Variants in CSMD3 observed in about 807,000 individuals in gnomAD.
CSMD3 encodes CUB and sushi domain-containing protein 3.
In CSMD3, 177 loss-of-function variants were observed where a neutral mutation model predicts 435.2. The observed-to-expected ratio is 0.41, with a 90% CI of 0.36 to 0.46. CSMD3 has a LOEUF of 0.46. CSMD3 is among the 20% of genes least tolerant of loss of function. The pLI, the probability that CSMD3 is intolerant of heterozygous loss-of-function variation, is 0.34. For missense variants in CSMD3, 4,265 were observed against 4,504.6 expected (o/e 0.95, Z 1.52); for synonymous variants, 1,656 against 1,520.5 (o/e 1.09, Z -2.07).
intron 27 of CSMD3, chr8:112,539,157 A>C (rs936328542): frequency 6.5e-6 from 1 of 153,444 alleles, no homozygotes; most frequent in Non-Finnish European, 1.5e-5. Context: ...TTAGAGTACT[A>C]AGTATTGTTG....
intron 44 of CSMD3, among the ~76,000 whole-genome samples, chr8:112,336,353 T>C: frequency 6.6e-6 from 1 of 152,214 alleles, no homozygotes; most frequent in East Asian, 1.9e-4. Flanking sequence ...TTCCATACCT[T>C]AAACTTAAGT....
intron 59 of CSMD3, among the ~76,000 whole-genome samples, chr8:112,271,457 T>C (rs1172936607): frequency 6.6e-6 from 1 of 152,124 alleles, no homozygotes; most frequent in Non-Finnish European, 1.5e-5. Flanking sequence ...GTATGTCATA[T>C]ACATTTGACC....
At chr8:113,357,045 G>GA (rs903672721) in intron 1 of CSMD3, among the ~76,000 whole-genome samples, 4 of 151,726 alleles carry the variant, frequency 2.6e-5, no homozygotes, top group Admixed American at 2.6e-4. Context: ...TCCCAGAAAT[G>GA]AAAAAAATAT....
At chr8:112,677,437 G>GA (rs749134082) in intron 16 of CSMD3, among the ~76,000 whole-genome samples, 15 of 149,496 alleles carry the variant, frequency 1.0e-4, no homozygotes, top group Non-Finnish European at 1.8e-4. Context: ...AAAAATCAAA[G>GA]TAAAAATCTC....
At chr8:112,590,286 T>C (rs533943636) in intron 22 of CSMD3, among the ~76,000 whole-genome samples, 3 of 152,150 alleles carry the variant, frequency 2.0e-5, no homozygotes, top group South Asian at 4.1e-4. Flanking sequence ...TGAAAGCATA[T>C]AACTGAGAGC....
intron 9 of CSMD3, among the ~76,000 whole-genome samples, chr8:112,931,037 T>A (rs1372620141): frequency 1.3e-5 from 2 of 152,032 alleles, no homozygotes; most frequent in East Asian, 3.9e-4. Flanking sequence ...CTGAGAAAAA[T>A]TTTGAGTAGA....
Position 112,591,628 on chromosome 8 carries a change from T to C in CSMD3, c.3716-4393A>G, listed in dbSNP as rs539886375. ...GCAGGCAAAATATACTTGATTTAGA[T>C]TGTTCAAAAAACTTAGAATGTTTTT... On this transcript the variant is annotated intron_variant, in intron 22 of 70. Transcript: ENST00000297405. Among the ~76,000 whole-genome samples, 197 of 152,260 alleles carry C rather than the reference T, an allele frequency of 1.3e-3. 1 individual carries two copies. The highest frequency in any genetic ancestry group is 4.4e-3 in the Admixed American group (68 of 15,298).
chr8:112,630,714 C>T (rs992613584), intron 22 of CSMD3, among the ~76,000 whole-genome samples: 1 of 152,022 alleles, frequency 6.6e-6, no homozygotes, highest in African/African-American at 2.4e-5. Flanking sequence ...AATACAATTT[C>T]TAGCTTGGAT....
chr8:113,337,544 A>G (rs1318651474), intron 1 of CSMD3, among the ~76,000 whole-genome samples: 6 of 152,158 alleles, frequency 3.9e-5, no homozygotes, highest in Non-Finnish European at 8.8e-5. Context: ...AGAAAAATAC[A>G]TAGAAGTAAA....
chr8:113,394,159 T>C (rs1353570533), intron 1 of CSMD3, among the ~76,000 whole-genome samples: 1 of 137,158 alleles, frequency 7.3e-6, no homozygotes, highest in African/African-American at 2.6e-5. Flanking sequence ...TTTGTTGAAT[T>C]ACACACACAC....
At chr8:112,552,319 C>A (rs746011670) in intron 26 of CSMD3, among the ~76,000 whole-genome samples, 14 of 151,762 alleles carry the variant, frequency 9.2e-5, no homozygotes, top group Non-Finnish European at 1.9e-4. Flanking sequence ...GACCTCGTTT[C>A]TACAAAATAT....
rs774440130 is a variant in CSMD3 at position 112,287,116 on chromosome 8, T to A, written c.9279A>T (p.Glu3093Asp). The change falls in exon 58 of 71, where the codon GAA (glutamate) becomes GAT (aspartate). Residue 3093 changes from glutamate (E) to aspartate (D), a missense_variant. Physicochemically the swap from Glu to Asp is conservative, Grantham distance 45. Around this residue, in one of 3 missense-constraint regions of CSMD3, gnomAD observed 3,255 missense variants for 3,380.2 expected, o/e 0.96. Transcript: ENST00000297405. ...AACTGCCATTAGCTAAACATGTTCT[T>A]TCTTCTGAGCCATGAAGGATGTAAC... is the stretch of plus-strand genomic sequence containing the variant. ...DTGYILHGSEERTCLANGSWT... is the reference protein window; with the variant it reads ...DTGYILHGSEDRTCLANGSWT... 2 of 1,613,776 alleles carry A rather than the reference T, an allele frequency of 1.2e-6. No individual in the cohort carries two copies.
chr8:112,268,191 G>C (rs1388455466), intron 59 of CSMD3, among the ~76,000 whole-genome samples: 1 of 152,050 alleles, frequency 6.6e-6, no homozygotes. Flanking sequence ...CTCATCATAA[G>C]AGATTAAATA....
chr8:112,746,366 T>A (rs1432845966), intron 13 of CSMD3, among the ~76,000 whole-genome samples: 1 of 152,152 alleles, frequency 6.6e-6, no homozygotes, highest in Non-Finnish European at 1.5e-5. Flanking sequence ...GGTGTGTCTT[T>A]GCTCTTAGTG....
chr8:113,153,700 G>A (rs573505748), intron 4 of CSMD3, among the ~76,000 whole-genome samples: 6 of 151,990 alleles, frequency 3.9e-5, no homozygotes, highest in Admixed American at 2.0e-4. Flanking sequence ...AAAGTAGTGG[G>A]GGTGCAACAG....
chr8:112,944,638 T>C (rs1368138076), intron 9 of CSMD3, among the ~76,000 whole-genome samples: 3 of 151,732 alleles, frequency 2.0e-5, no homozygotes, highest in Non-Finnish European at 3.0e-5. Flanking sequence ...GTCATTCCAC[T>C]GAAATCACTC....
At chr8:112,349,252 G>A (rs1395435927) in intron 40 of CSMD3, among the ~76,000 whole-genome samples, 1 of 151,990 alleles carries the variant, frequency 6.6e-6, no homozygotes, top group Non-Finnish European at 1.5e-5. Flanking sequence ...TATGTGTCAA[G>A]AATCAAAATT....
intron 22 of CSMD3, among the ~76,000 whole-genome samples, chr8:112,591,563 T>C (rs570509042): frequency 3.3e-4 from 50 of 152,252 alleles, no homozygotes; most frequent in African/African-American, 1.2e-3. Flanking sequence ...AAAATGTGCA[T>C]TACAACTGAG....
intron 22 of CSMD3, among the ~76,000 whole-genome samples, chr8:112,598,889 AACGTTAG>A (rs1440229453): frequency 2.6e-4 from 39 of 152,228 alleles, no homozygotes; most frequent in African/African-American, 9.1e-4. Flanking sequence ...TAAAGACTTA[AACGTTAG>A]ACCTAAAACC....
Sources: allele counts gnomAD v4.1 joint callset (sites outside exome capture counted in the v4.1 genomes callset), GRCh38; gene constraint gnomAD v4.1.1; regional missense constraint gnomAD v4.1.1; transcripts MANE v1.5; gene names NCBI Gene and HGNC (gene_info 2026-07-23, HGNC 2026-07-21).